AGBL4: variants seen among roughly 807,000 people sequenced by gnomAD.
The protein encoded by AGBL4 is cytosolic carboxypeptidase 6.
AGBL4 carries 58 observed loss-of-function variants against 66.4 expected under a neutral mutation model. That is an observed-to-expected ratio of 0.87 (90% CI 0.71 to 1.09). The LOEUF (loss-of-function observed/expected upper bound fraction) is 1.09. Among genes scored for constraint, AGBL4 ranks in the 50% least tolerant of loss-of-function variants. The probability of loss-of-function intolerance (pLI) is 0.00; values close to 1 mark genes in which losing one functional copy is unlikely to be tolerated. For missense variants in AGBL4, 579 were observed against 631.0 expected (o/e 0.92, Z 0.88); for synonymous variants, 234 against 222.9 (o/e 1.05, Z -0.44).
intron 4 of AGBL4, among the ~76,000 whole-genome samples, chr1:49,183,879 G>A (rs559206723): frequency 1.3e-5 from 2 of 152,238 alleles, no homozygotes; most frequent in Non-Finnish European, 2.9e-5. Context: ...GCCACTCCAT[G>A]TGGTAGACCT....
intron 1 of AGBL4, among the ~76,000 whole-genome samples, chr1:49,997,398 G>A (rs192583761): frequency 9.4e-4 from 143 of 152,270 alleles, no homozygotes; most frequent in Non-Finnish European, 1.7e-3. Context: ...AAGTGAGCAG[G>A]AGTAGCTATT....
At chr1:49,657,513 A>C (rs1646167836) in intron 3 of AGBL4, among the ~76,000 whole-genome samples, 1 of 152,238 alleles carries the variant, frequency 6.6e-6, no homozygotes. Context: ...ACTGCTTTAA[A>C]GTTCATAGGG....
chr1:49,429,980 G>A (rs1231674496), intron 3 of AGBL4, among the ~76,000 whole-genome samples: 1 of 151,946 alleles, frequency 6.6e-6, no homozygotes, highest in Non-Finnish European at 1.5e-5. Flanking sequence ...AAGTAGCTGG[G>A]ACTACAGGCA....
intron 5 of AGBL4, among the ~76,000 whole-genome samples, chr1:48,956,186 C>A (rs1657431982): frequency 6.6e-6 from 1 of 152,178 alleles, no homozygotes; most frequent in Admixed American, 6.5e-5. Context: ...CAATGCAGGA[C>A]TGCTTTGGAT....
At chr1:49,920,551 ACAC>A (rs1652115624) in intron 1 of AGBL4, among the ~76,000 whole-genome samples, 1 of 152,202 alleles carries the variant, frequency 6.6e-6, no homozygotes, top group Non-Finnish European at 1.5e-5. Context: ...ATACCATCTC[ACAC>A]CAGTTAGAAT....
intron 3 of AGBL4, among the ~76,000 whole-genome samples, chr1:49,303,787 T>G (rs1026792368): frequency 2.6e-5 from 4 of 152,152 alleles, no homozygotes; most frequent in African/African-American, 9.7e-5. Flanking sequence ...AAATGTCTTC[T>G]TTTGAGAAGT....
At chr1:49,270,104 A>G (rs537211098) in intron 3 of AGBL4, among the ~76,000 whole-genome samples, 1 of 152,114 alleles carries the variant, frequency 6.6e-6, no homozygotes, top group South Asian at 2.1e-4. Flanking sequence ...GGAGAAAAGG[A>G]TTTCTGTGAC....
chr1:49,225,827 G>A (rs1341180535), intron 4 of AGBL4, among the ~76,000 whole-genome samples: 1 of 152,156 alleles, frequency 6.6e-6, no homozygotes, highest in Non-Finnish European at 1.5e-5. Flanking sequence ...CTAGTTTACT[G>A]TAAGCCAATC....
chr1:49,662,719 A>G (rs1646293467), intron 3 of AGBL4, among the ~76,000 whole-genome samples: 1 of 152,134 alleles, frequency 6.6e-6, no homozygotes, highest in African/African-American at 2.4e-5. Flanking sequence ...CAATCCTGGC[A>G]ATTACAATGA....
At chr1:49,170,122 C>A (rs1646707534) in intron 4 of AGBL4, among the ~76,000 whole-genome samples, 1 of 149,878 alleles carries the variant, frequency 6.7e-6, no homozygotes, top group East Asian at 1.9e-4. Flanking sequence ...ACATGTACCC[C>A]AAAAGCTAAT....
intron 6 of AGBL4, among the ~76,000 whole-genome samples, chr1:48,842,816 A>T (rs995459971): frequency 6.6e-6 from 1 of 152,206 alleles, no homozygotes; most frequent in African/African-American, 2.4e-5. Context: ...GTGTACAGAT[A>T]TAATGAAATA....
At chr1:48,723,931 G>T (rs969218192) in intron 6 of AGBL4, among the ~76,000 whole-genome samples, 1 of 152,236 alleles carries the variant, frequency 6.6e-6, no homozygotes, top group African/African-American at 2.4e-5. Flanking sequence ...GTGAGTAGGG[G>T]CTGAGGTAGG....
intron 3 of AGBL4, among the ~76,000 whole-genome samples, chr1:49,256,625 CTG>C (rs1652528580): frequency 6.6e-6 from 1 of 152,136 alleles, no homozygotes; most frequent in African/African-American, 2.4e-5. Context: ...TTGGAAGTGT[CTG>C]TGTCTATGTG....
intron 4 of AGBL4, among the ~76,000 whole-genome samples, chr1:49,211,231 TG>T (rs1349935300): frequency 2.0e-5 from 3 of 152,160 alleles, no homozygotes; most frequent in Non-Finnish European, 2.9e-5. Context: ...TTTTCATTTA[TG>T]TGTTCAGAAA....
intron 3 of AGBL4, among the ~76,000 whole-genome samples, chr1:49,476,746 A>G (rs1264889589): frequency 6.6e-6 from 1 of 151,790 alleles, no homozygotes; most frequent in Non-Finnish European, 1.5e-5. Flanking sequence ...TTTTTGTTTT[A>G]AATTTGTGTG....
chr1:49,400,541 C>T (rs1273356688), intron 3 of AGBL4, among the ~76,000 whole-genome samples: 3 of 152,082 alleles, frequency 2.0e-5, no homozygotes, highest in South Asian at 2.1e-4. Context: ...TTTTAGGGGT[C>T]TTCTTCAATT....
intron 1 of AGBL4, among the ~76,000 whole-genome samples, chr1:49,885,247 C>T (rs929510753): frequency 2.6e-5 from 4 of 151,850 alleles, no homozygotes; most frequent in African/African-American, 9.7e-5. Flanking sequence ...ATTTCCAGGG[C>T]TTCATAATTT....
chr1:49,357,946 T>C (rs144192820), intron 3 of AGBL4, among the ~76,000 whole-genome samples: 1 of 152,270 alleles, frequency 6.6e-6, no homozygotes, highest in Non-Finnish European at 1.5e-5. Flanking sequence ...CTAGGTCCCA[T>C]GTCCATGTCT....
intron 5 of AGBL4, among the ~76,000 whole-genome samples, chr1:48,986,904 G>A (rs1660219514): frequency 6.6e-6 from 1 of 152,014 alleles, no homozygotes; most frequent in Admixed American, 6.6e-5. Flanking sequence ...CATAATGTCA[G>A]TTGAATATAG....
Sources: allele counts gnomAD v4.1 joint callset (sites outside exome capture counted in the v4.1 genomes callset), GRCh38; gene constraint gnomAD v4.1.1; transcripts MANE v1.5; gene names NCBI Gene and HGNC (gene_info 2026-07-23, HGNC 2026-07-21).